Variants in GULP1 observed in about 807,000 individuals in gnomAD.
The protein encoded by GULP1 is PTB domain-containing engulfment adapter protein 1.
Under a neutral mutation model 40.9 loss-of-function variants are expected in GULP1, and 19 were observed. The ratio of observed to expected loss-of-function variants is 0.46; its 90% CI spans 0.32 to 0.68. GULP1 has a LOEUF of 0.68. Among genes scored for constraint, GULP1 ranks in the 30% least tolerant of loss-of-function variants. The pLI is 0.03. For missense variants in GULP1, 312 were observed against 362.2 expected, an observed-to-expected ratio of 0.86 and a Z score of 1.12; for synonymous variants, 119 against 117.6, an observed-to-expected ratio of 1.01 and a Z score of -0.08.
At chr2:188,311,817 T>C (rs1186925939) in intron 1 of GULP1, among the ~76,000 whole-genome samples, 2 of 148,144 alleles carry the variant, frequency 1.4e-5, no homozygotes, top group Non-Finnish European at 3.0e-5. Context: ...TACTTATACG[T>C]ATAAGTATAT....
intron 9 of GULP1, among the ~76,000 whole-genome samples, chr2:188,573,107 A>G (rs755708327): frequency 9.8e-5 from 15 of 152,324 alleles, no homozygotes; most frequent in Non-Finnish European, 1.6e-4. Flanking sequence ...GTAAAATTAA[A>G]TGCTAAAATG....
chr2:188,343,845 C>T (rs1006924624), intron 1 of GULP1, among the ~76,000 whole-genome samples: 10 of 152,134 alleles, frequency 6.6e-5, no homozygotes, highest in Non-Finnish European at 1.0e-4. Context: ...GTCACCCAGA[C>T]GGGAGGGAGT....
intron 4 of GULP1, among the ~76,000 whole-genome samples, chr2:188,498,179 G>T (rs769267236): frequency 6.6e-6 from 1 of 151,906 alleles, no homozygotes; most frequent in Non-Finnish European, 1.5e-5. Context: ...GCATCCCAGA[G>T]ACATACCAGA....
intron 7 of GULP1, among the ~76,000 whole-genome samples, chr2:188,547,390 A>T (rs1233287264): frequency 6.6e-6 from 1 of 152,098 alleles, no homozygotes; most frequent in African/African-American, 2.4e-5. Context: ...ATTAAGGAGT[A>T]TTAAACTCAC....
intron 1 of GULP1, among the ~76,000 whole-genome samples, chr2:188,299,019 A>G (rs960079496): frequency 2.0e-5 from 3 of 152,118 alleles, no homozygotes; most frequent in Non-Finnish European, 2.9e-5. Context: ...TTTTTCCCCT[A>G]TTGGGTAGGG....
chr2:188,461,070 C>A (rs565083701), intron 2 of GULP1, among the ~76,000 whole-genome samples: 1 of 152,134 alleles, frequency 6.6e-6, no homozygotes, highest in East Asian at 1.9e-4. Flanking sequence ...CATCAATATT[C>A]TTCAGTGATA....
intron 5 of GULP1, among the ~76,000 whole-genome samples, chr2:188,525,393 A>G (rs1685910369): frequency 6.6e-6 from 1 of 152,126 alleles, no homozygotes; most frequent in African/African-American, 2.4e-5. Context: ...CTTCATCTCA[A>G]AAAACAAAAA....
At chr2:188,346,786 CTT>C (rs2043727668) in intron 1 of GULP1, among the ~76,000 whole-genome samples, 1 of 151,832 alleles carries the variant, frequency 6.6e-6, no homozygotes, top group Admixed American at 6.6e-5. Context: ...TCCTGGCCAA[CTT>C]GGTGAAACCC....
intron 2 of GULP1, among the ~76,000 whole-genome samples, chr2:188,391,021 C>T (rs2050449566): frequency 6.6e-6 from 1 of 151,782 alleles, no homozygotes; most frequent in African/African-American, 2.4e-5. Flanking sequence ...TAACTGTAAA[C>T]ATATAATATA....
At chr2:188,329,368 A>G (rs2041232701) in intron 1 of GULP1, among the ~76,000 whole-genome samples, 1 of 152,126 alleles carries the variant, frequency 6.6e-6, no homozygotes, top group Non-Finnish European at 1.5e-5. Flanking sequence ...ATGCTAGTCT[A>G]GGAATAGGTA....
chr2:188,297,281 C>T (rs1168803437), intron 1 of GULP1, among the ~76,000 whole-genome samples: 1 of 151,868 alleles, frequency 6.6e-6, no homozygotes, highest in Non-Finnish European at 1.5e-5. Context: ...ATGGCATACT[C>T]ATGGAAGCCC....
chr2:188,525,893 A>G (rs1461354567), intron 5 of GULP1, among the ~76,000 whole-genome samples: 2 of 152,224 alleles, frequency 1.3e-5, no homozygotes, highest in Non-Finnish European at 2.9e-5. Flanking sequence ...GCTTAATTTA[A>G]TTATATATAA....
At chr2:188,529,269 A>C in intron 6 of GULP1, 74 bp downstream of exon 6, 1 of 775,812 alleles carries the variant, frequency 1.3e-6, no homozygotes, top group Non-Finnish European at 2.1e-6. Flanking sequence ...ACAAATATTT[A>C]AAATTTTTTG....
Position 188,374,932 on chromosome 2 carries a change from A to G in GULP1, c.-171-8831A>G, listed in dbSNP as rs2048108055. 2.0e-5 allele frequency among the ~76,000 whole-genome samples: 3 copies of G among 152,212 alleles called. No homozygotes were observed. In the South Asian group the frequency reaches 6.2e-4, roughly 32 times the overall value. ...TGAAAATGCTACTGAGCAAAAGAGC[A>G]ACAGTTTAAATGGTAAAATAACATT... On this transcript the variant is annotated intron_variant, in intron 1 of 11. Coordinates refer to ENST00000409830, the MANE Select transcript of GULP1 (RefSeq NM_016315.4).
At chr2:188,505,851 C>G (rs1419547645) in intron 4 of GULP1, among the ~76,000 whole-genome samples, 2 of 151,816 alleles carry the variant, frequency 1.3e-5, no homozygotes, top group African/African-American at 2.4e-5. Context: ...TTTAACAAGA[C>G]AAGTTTCAGA....
intron 2 of GULP1, among the ~76,000 whole-genome samples, chr2:188,444,631 C>A (rs908414639): frequency 6.6e-6 from 1 of 152,296 alleles, no homozygotes; most frequent in East Asian, 1.9e-4. Context: ...TCCATGCCCA[C>A]ATTGTATCAT....
chr2:188,476,405 T>C (rs2061012932), intron 2 of GULP1, among the ~76,000 whole-genome samples: 2 of 152,230 alleles, frequency 1.3e-5, no homozygotes, highest in African/African-American at 4.8e-5. Flanking sequence ...GGGAAAGTTT[T>C]ACCCAGAATT....
chr2:188,495,635 ACAAC>A (rs2062827029), intron 4 of GULP1, among the ~76,000 whole-genome samples: 2 of 152,184 alleles, frequency 1.3e-5, no homozygotes, highest in East Asian at 3.9e-4. Flanking sequence ...AGTGGACACT[ACAAC>A]TTAATGGCAA....
At chr2:188,423,710 A>G (rs997974339) in intron 2 of GULP1, among the ~76,000 whole-genome samples, 19 of 151,980 alleles carry the variant, frequency 1.3e-4, no homozygotes, top group Middle Eastern at 3.6e-3. Context: ...ACATGTTAAA[A>G]TAGTTTTCAG....
Sources: allele counts gnomAD v4.1 joint callset (sites outside exome capture counted in the v4.1 genomes callset), GRCh38; gene constraint gnomAD v4.1.1; transcripts MANE v1.5; gene names NCBI Gene and HGNC (gene_info 2026-07-23, HGNC 2026-07-21).